Variants in PRKG1 observed in about 807,000 individuals in gnomAD.
The protein encoded by PRKG1 is cGMP-dependent protein kinase 1.
PRKG1 carries 35 observed loss-of-function variants against 88.1 expected under a neutral mutation model. That is an observed-to-expected ratio of 0.40 (90% CI 0.30 to 0.53). PRKG1 has a LOEUF of 0.53. Among genes scored for constraint, PRKG1 ranks in the 20% least tolerant of loss-of-function variants. The probability of loss-of-function intolerance (pLI) is 0.59; values close to 1 mark genes in which losing one functional copy is unlikely to be tolerated. For synonymous variants in PRKG1, 303 were observed against 292.5 expected, an observed-to-expected ratio of 1.04 and a Z score of -0.37; for missense variants, 540 against 839.8, an observed-to-expected ratio of 0.64 and a Z score of 4.41.
At chr10:52,111,578 T>A (rs1489926407) in intron 7 of PRKG1, among the ~76,000 whole-genome samples, 1 of 152,202 alleles carries the variant, frequency 6.6e-6, no homozygotes, top group African/African-American at 2.4e-5. Context: ...TGACGTATGA[T>A]CTGGATTGTG....
At chr10:51,294,571 A>C (rs1202226347) in intron 2 of PRKG1, among the ~76,000 whole-genome samples, 1 of 152,176 alleles carries the variant, frequency 6.6e-6, no homozygotes, top group Admixed American at 6.6e-5. Flanking sequence ...TGGTTTTGCC[A>C]TTACTTTTAA....
chr10:51,993,980 C>G (rs1163101157), intron 5 of PRKG1, among the ~76,000 whole-genome samples: 2 of 152,128 alleles, frequency 1.3e-5, no homozygotes, highest in Non-Finnish European at 2.9e-5. Flanking sequence ...AGCTAACCAT[C>G]CCAGTCTAAA....
intron 2 of PRKG1, among the ~76,000 whole-genome samples, chr10:51,420,883 T>C (rs1020162213): frequency 6.6e-6 from 1 of 152,046 alleles, no homozygotes; most frequent in East Asian, 1.9e-4. Flanking sequence ...ATGGTAAAAG[T>C]AGGAGTAAGA....
intron 2 of PRKG1, among the ~76,000 whole-genome samples, chr10:51,386,574 C>T (rs1041645233): frequency 6.6e-6 from 1 of 152,152 alleles, no homozygotes; most frequent in African/African-American, 2.4e-5. Context: ...TCCTCTTACT[C>T]GGCCTTTTTG....
chr10:51,671,408 C>T (rs749762279), intron 3 of PRKG1, among the ~76,000 whole-genome samples: 1 of 152,140 alleles, frequency 6.6e-6, no homozygotes, highest in Non-Finnish European at 1.5e-5. Flanking sequence ...GGGCCATGAT[C>T]CCTCTGTAAT....
intron 17 of PRKG1, among the ~76,000 whole-genome samples, chr10:52,291,683 T>G (rs1217339897): frequency 6.6e-6 from 1 of 152,108 alleles, no homozygotes; most frequent in Non-Finnish European, 1.5e-5. Context: ...TCCAAGTCTT[T>G]GCTATTGTGA....
At chr10:51,818,172 G>T (rs1173077642) in intron 4 of PRKG1, among the ~76,000 whole-genome samples, 1 of 152,092 alleles carries the variant, frequency 6.6e-6, no homozygotes, top group African/African-American at 2.4e-5. Context: ...ATCAAAATTA[G>T]CTTTTGTATT....
chr10:51,018,404 C>G (rs904980097), intron 1 of PRKG1, among the ~76,000 whole-genome samples: 2 of 152,094 alleles, frequency 1.3e-5, no homozygotes, highest in East Asian at 1.9e-4. Flanking sequence ...AAGATTGTCT[C>G]TAGTCATGGA....
intron 9 of PRKG1, among the ~76,000 whole-genome samples, chr10:52,233,138 T>C (rs762351049): frequency 4.0e-5 from 6 of 148,982 alleles, no homozygotes; most frequent in Non-Finnish European, 7.4e-5. Context: ...TGGTAGTTAT[T>C]AACTCTTGAG....
chr10:51,170,189 A>G (rs1846665328), intron 2 of PRKG1, among the ~76,000 whole-genome samples: 1 of 152,028 alleles, frequency 6.6e-6, no homozygotes. Flanking sequence ...CTTATTTTGT[A>G]TAAAAATCGT....
chr10:51,240,608 A>G (rs1165124338), intron 2 of PRKG1, among the ~76,000 whole-genome samples: 1 of 152,220 alleles, frequency 6.6e-6, no homozygotes, highest in Non-Finnish European at 1.5e-5. Context: ...TTCACAGGAC[A>G]AATGTTTTGT....
At chr10:51,368,878 T>G (rs1321941206) in intron 2 of PRKG1, among the ~76,000 whole-genome samples, 2 of 151,996 alleles carry the variant, frequency 1.3e-5, no homozygotes, top group African/African-American at 4.8e-5. Context: ...CAGGAAGTAG[T>G]CTCCAAGAAT....
intron 7 of PRKG1, among the ~76,000 whole-genome samples, chr10:52,100,694 C>G (rs866095607): frequency 3.3e-5 from 5 of 152,106 alleles, no homozygotes; most frequent in African/African-American, 9.7e-5. Flanking sequence ...AAAACGAGAG[C>G]CTTTATCCAA....
intron 3 of PRKG1, among the ~76,000 whole-genome samples, chr10:51,562,330 G>A (rs1438868963): frequency 6.6e-6 from 1 of 152,054 alleles, no homozygotes; most frequent in East Asian, 1.9e-4. Context: ...TTATAAAGAG[G>A]CTGAGAGATA....
At chr10:51,595,846 G>GT (rs1171669737) in intron 3 of PRKG1, among the ~76,000 whole-genome samples, 1 of 151,560 alleles carries the variant, frequency 6.6e-6, no homozygotes. Flanking sequence ...GTTTTGTTTT[G>GT]TTTTTTGGAA....
rs995643331 is a variant in PRKG1, at chr10:51,684,215, A to T, written c.593-120370A>T. On this transcript the variant is annotated intron_variant, in intron 3 of 17. Transcript: ENST00000373980. ...CTACAACATGGATAAATTTTTTTTA[A>T]AAATTATGTTAAGTAAAAGAAGCTG... Among the ~76,000 whole-genome samples the T allele has an allele frequency of 4.7e-4, 71 of 152,282 alleles. 1 individual carries two copies. The highest frequency in any genetic ancestry group is 1.6e-3 in the African/African-American group (68 of 41,540).
chr10:51,558,147 G>A (rs1004773491), intron 3 of PRKG1, among the ~76,000 whole-genome samples: 5 of 151,984 alleles, frequency 3.3e-5, no homozygotes, highest in Admixed American at 2.6e-4. Context: ...ACAGTGCCTG[G>A]TTATTCACAG....
At chr10:51,221,643 T>A (rs1838534885) in intron 2 of PRKG1, among the ~76,000 whole-genome samples, 1 of 151,368 alleles carries the variant, frequency 6.6e-6, no homozygotes, top group African/African-American at 2.4e-5. Context: ...TTGGCAAACT[T>A]TTTTTTTCCT....
intron 9 of PRKG1, among the ~76,000 whole-genome samples, chr10:52,170,863 CAG>C (rs761157919): frequency 6.7e-5 from 6 of 89,318 alleles, no homozygotes; most frequent in Non-Finnish European, 1.2e-4. Flanking sequence ...CTGCCTGTCA[CAG>C]AGAGGTTGCT....
Sources: allele counts gnomAD v4.1 joint callset (sites outside exome capture counted in the v4.1 genomes callset), GRCh38; gene constraint gnomAD v4.1.1; transcripts MANE v1.5; gene names NCBI Gene and HGNC (gene_info 2026-07-23, HGNC 2026-07-21).